The following MAP2K4 variants were observed in gnomAD, a reference collection of about 807,000 sequenced individuals.
MAP2K4 encodes mitogen-activated protein kinase kinase 4.
A neutral mutation model predicts 48.5 loss-of-function variants in MAP2K4; 4 were observed. The ratio of observed to expected loss-of-function variants is 0.08; its 90% confidence interval spans 0.04 to 0.19. The LOEUF (loss-of-function observed/expected upper bound fraction) is 0.19, where lower values mean the gene tolerates loss of function less well. MAP2K4 is among the 10% of genes least tolerant of loss of function. The probability of loss-of-function intolerance (pLI) is 1.00; values close to 1 mark genes in which losing one functional copy is unlikely to be tolerated. For synonymous variants in MAP2K4, 166 were observed against 173.1 expected, an observed-to-expected ratio of 0.96 and a Z score of 0.32; for missense variants, 258 against 493.3, an observed-to-expected ratio of 0.52 and a Z score of 4.52.
chr17:12,055,716 TTTCTC>T (rs1272567689), intron 2 of MAP2K4, among the ~76,000 whole-genome samples: 1 of 152,058 alleles, frequency 6.6e-6, no homozygotes, highest in Non-Finnish European at 1.5e-5. Context: ...TTATTGCTAT[TTTCTC>T]TTCTTTCAGA....
At chr17:12,065,547 G>A (rs993801952) in intron 2 of MAP2K4, among the ~76,000 whole-genome samples, 17 of 151,974 alleles carry the variant, frequency 1.1e-4, no homozygotes, top group East Asian at 1.9e-4. Flanking sequence ...TGATCTGCCC[G>A]CCTCAGCCTC....
At chr17:12,027,729 T>G (rs926646048) in intron 1 of MAP2K4, among the ~76,000 whole-genome samples, 41 of 152,108 alleles carry the variant, frequency 2.7e-4, no homozygotes, top group African/African-American at 8.5e-4. Context: ...TCCATCTTTT[T>G]GGGGTTGTTA....
rs977202985 is a variant in MAP2K4 at position 12,029,586 on chromosome 17, T to C, written c.115+8585T>C. ...ACGGATTATCTAGTACCTCCAGAGA[T>C]AGGACTTAAAGTAAGTGAATAGGAA... On this transcript the variant is annotated intron_variant, in intron 1 of 10. Coordinates refer to ENST00000353533, the MANE Select transcript of MAP2K4 (RefSeq NM_003010.4). Among the ~76,000 whole-genome samples, 4 of 152,180 alleles carry C rather than the reference T, an allele frequency of 2.6e-5. No homozygotes were observed. The South Asian group carries it at 8.3e-4, about 32-fold the overall frequency.
chr17:12,036,895 C>G (rs901636862), intron 1 of MAP2K4, among the ~76,000 whole-genome samples: 15 of 126,952 alleles, frequency 1.2e-4, no homozygotes, highest in Non-Finnish European at 2.6e-4. Context: ...TATCCTCCCC[C>G]CCGCCACCTT....
intron 4 of MAP2K4, among the ~76,000 whole-genome samples, chr17:12,104,225 A>G (rs946416182): frequency 1.3e-5 from 2 of 152,166 alleles, no homozygotes; most frequent in South Asian, 2.1e-4. Context: ...GAGTTCAGCT[A>G]TCATGTCCAC....
chr17:12,071,057 A>G (rs535258868), intron 2 of MAP2K4, among the ~76,000 whole-genome samples: 24 of 152,218 alleles, frequency 1.6e-4, no homozygotes, highest in African/African-American at 5.3e-4. Context: ...CGTAATCTCT[A>G]TGGTCTTCTT....
chr17:12,087,642 G>A lies in MAP2K4; in HGVS notation c.393+6112G>A, dbSNP rs117288491. The stretch of plus-strand genomic sequence containing the variant: ...ATTAATTAATTAATTAATTAATGGG[G>A]CTAAGATACAACTGAGAGTTTATTA... On this transcript the variant is annotated intron_variant, in intron 3 of 10. Transcript: ENST00000353533. Among the ~76,000 whole-genome samples, 1,383 of 151,580 alleles carry A rather than the reference G, an allele frequency of 9.1e-3. 12 individuals carry two copies. The highest frequency in any genetic ancestry group is 0.013 in the South Asian group (65 of 4,816).
Position 12,103,823 on chromosome 17 carries a change from T to C in MAP2K4, c.514-3967T>C, listed in dbSNP as rs1972020886. Among the ~76,000 whole-genome samples, 3 of 152,210 alleles carry C rather than the reference T, an allele frequency of 2.0e-5. No individual in the cohort carries two copies. In the South Asian group the frequency reaches 6.2e-4, roughly 31 times the overall value. On this transcript the variant is annotated intron_variant, in intron 4 of 10. Transcript: ENST00000353533. Reference sequence around the variant, plus strand: ...TTCAACATAGTTTTCAAGATTTATGTAAATATAGATTCGTAATATACAGAT... The same window carrying C: ...TTCAACATAGTTTTCAAGATTTATGCAAATATAGATTCGTAATATACAGAT...
At chr17:12,072,334 T>A (rs1311106529) in intron 2 of MAP2K4, among the ~76,000 whole-genome samples, 1 of 152,190 alleles carries the variant, frequency 6.6e-6, no homozygotes, top group East Asian at 1.9e-4. Context: ...CCCAATACAG[T>A]ATTTTCAGGA....
chr17:12,085,432 C>T (rs1971328829), intron 3 of MAP2K4, among the ~76,000 whole-genome samples: 2 of 151,656 alleles, frequency 1.3e-5, no homozygotes, highest in African/African-American at 2.4e-5. Flanking sequence ...CTGGGTTAAT[C>T]AGGAAAAACA....
At chr17:12,135,857 C>T (rs1973190486) in intron 9 of MAP2K4, among the ~76,000 whole-genome samples, 1 of 152,042 alleles carries the variant, frequency 6.6e-6, no homozygotes. Flanking sequence ...ACCTAAAGTC[C>T]CTCTTAAAAT....
chr17:12,118,966 A>G (rs896879929), intron 7 of MAP2K4, among the ~76,000 whole-genome samples: 2 of 152,232 alleles, frequency 1.3e-5, no homozygotes, highest in Admixed American at 6.5e-5. Flanking sequence ...TATGCAAAAA[A>G]TACATCTTTA....
chr17:12,034,700 C>A (rs935209806), intron 1 of MAP2K4, among the ~76,000 whole-genome samples: 2 of 152,178 alleles, frequency 1.3e-5, no homozygotes, highest in African/African-American at 4.8e-5. Flanking sequence ...GTTCAACCAC[C>A]GATGTTACAT....
intron 2 of MAP2K4, among the ~76,000 whole-genome samples, chr17:12,059,176 G>T (rs946210060): frequency 1.3e-5 from 2 of 151,826 alleles, no homozygotes; most frequent in African/African-American, 4.8e-5. Context: ...TTTTTCCCTT[G>T]GCTTTTAAAA....
chr17:12,020,973 A>G lies in MAP2K4; in HGVS notation c.87A>G (p.Pro29=). 1 of 1,184,914 alleles carries G rather than the reference A, an allele frequency of 8.4e-7. No homozygotes were observed. Among genetic ancestry groups the G allele is most frequent in the Non-Finnish European group, 1.0e-6 (1 of 959,534 alleles). 73.4% of individuals were successfully genotyped at this position (1,184,914 alleles called of 1,614,324 possible). Residue 29 remains proline (P), a synonymous_variant, in exon 1 of 11, where the codon CCA becomes CCG. Coordinates refer to ENST00000353533, the MANE Select transcript of MAP2K4 (RefSeq NM_003010.4). ...CCGGCCCCGTAGGGTCCCCGGCGCC[A>G]GGCCACCCGGCCGTCAGCAGCATGC... ...GTPGPVGSPA[P]GHPAVSSMQG... is the part of the protein sequence containing the mutation.
At chr17:12,133,732 C>G (rs984088569) in intron 9 of MAP2K4, among the ~76,000 whole-genome samples, 1 of 152,066 alleles carries the variant, frequency 6.6e-6, no homozygotes, top group Non-Finnish European at 1.5e-5. Flanking sequence ...ATTGCCTAAT[C>G]CAAAATTTAT....
intron 1 of MAP2K4, among the ~76,000 whole-genome samples, chr17:12,052,530 G>A (rs964961930): frequency 5.3e-5 from 8 of 152,098 alleles, no homozygotes; most frequent in African/African-American, 1.4e-4. Flanking sequence ...CTACTATTCC[G>A]TCAAATTGGG....
intron 1 of MAP2K4, among the ~76,000 whole-genome samples, chr17:12,022,414 A>G (rs937530609): frequency 2.6e-5 from 4 of 152,234 alleles, no homozygotes; most frequent in Admixed American, 6.5e-5. Flanking sequence ...CTGATGAAGT[A>G]TAAGATTGAC....
At position 12,094,561 on chromosome 17, in the gene MAP2K4, G is replaced by A. The variant is rs9913757; in HGVS notation, c.394-1014G>A. On this transcript the variant is annotated intron_variant, in intron 3 of 10. Coordinates refer to ENST00000353533, the MANE Select transcript of MAP2K4 (RefSeq NM_003010.4). ...CACACTATGTATTGTACACAGTGGC[G>A]TGATGTGACATTGTGAACTTTTTTA... 2.1e-3 allele frequency among the ~76,000 whole-genome samples: 315 copies of A among 152,272 alleles called. 2 individuals carry two copies. The highest frequency in any genetic ancestry group is 6.4e-3 in the African/African-American group (265 of 41,560).
Sources: allele counts gnomAD v4.1 joint callset (sites outside exome capture counted in the v4.1 genomes callset), GRCh38; gene constraint gnomAD v4.1.1; transcripts MANE v1.5; gene names NCBI Gene and HGNC (gene_info 2026-07-23, HGNC 2026-07-21).